Variants in PTBP3 observed in about 807,000 individuals in gnomAD.
The protein encoded by PTBP3 is polypyrimidine tract-binding protein 3.
In PTBP3, 20 loss-of-function variants were observed where a neutral mutation model predicts 58.7. The ratio of observed to expected loss-of-function variants is 0.34; its 90% CI spans 0.24 to 0.50. PTBP3 has a LOEUF of 0.50. Among genes scored for constraint, PTBP3 ranks in the 20% least tolerant of loss-of-function variants. The pLI is 0.98. For synonymous variants in PTBP3, 185 were observed against 219.8 expected, an observed-to-expected ratio of 0.84 and a Z score of 1.40; for missense variants, 509 against 637.2, an observed-to-expected ratio of 0.80 and a Z score of 2.17.
intron 1 of PTBP3, among the ~76,000 whole-genome samples, chr9:112,317,538 T>C (rs781436142): frequency 6.6e-6 from 1 of 152,132 alleles, no homozygotes; most frequent in South Asian, 2.1e-4. Flanking sequence ...GCTTTTCAAA[T>C]AGACCAACAA....
the PTBP3 span, among the ~76,000 whole-genome samples, chr9:112,351,963 T>C: frequency 1.0e-4 from 15 of 147,342 alleles, no homozygotes; most frequent in African/African-American, 2.0e-4. Context: ...TTTTTTTTTT[T>C]CCCCCAAGAC....
the PTBP3 span, among the ~76,000 whole-genome samples, chr9:112,366,282 A>C: frequency 7.1e-5 from 1 of 14,024 alleles, no homozygotes; most frequent in East Asian, 8.9e-4. Context: ...ACTCTGTCTC[A>C]AAAAAAAAAA....
chr9:112,263,660 C>T (rs1194866591), intron 4 of PTBP3, among the ~76,000 whole-genome samples: 1 of 152,112 alleles, frequency 6.6e-6, no homozygotes, highest in East Asian at 1.9e-4. Context: ...TAACTGAATC[C>T]TTTTGCTATA....
chr9:112,346,504 T>C, the PTBP3 span, among the ~76,000 whole-genome samples: 5 of 151,978 alleles, frequency 3.3e-5, no homozygotes, highest in Admixed American at 2.0e-4. Flanking sequence ...ACAGGAGGCA[T>C]TTAGGGGAAA....
intron 7 of PTBP3, among the ~76,000 whole-genome samples, chr9:112,244,817 C>T (rs1835814292): frequency 6.6e-6 from 1 of 152,016 alleles, no homozygotes; most frequent in Admixed American, 6.6e-5. Context: ...ACCCCAATAG[C>T]TACTGCTGCT....
the PTBP3 span, among the ~76,000 whole-genome samples, chr9:112,365,356 T>G: frequency 3.9e-5 from 6 of 152,290 alleles, no homozygotes; most frequent in African/African-American, 1.4e-4. Flanking sequence ...GGGTGGGTCT[T>G]TCCCTTGCTG....
At chr9:112,340,621 G>A in the PTBP3 span, among the ~76,000 whole-genome samples, 7 of 152,160 alleles carry the variant, frequency 4.6e-5, no homozygotes, top group East Asian at 1.9e-4. Context: ...AGTGGCTCAC[G>A]CCTGTAATCC....
At chr9:112,319,355 C>G (rs1407902632) in intron 1 of PTBP3, among the ~76,000 whole-genome samples, 1 of 151,974 alleles carries the variant, frequency 6.6e-6, no homozygotes, top group African/African-American at 2.4e-5. Context: ...CTGGGCAATA[C>G]AGAGAAACTG....
At chr9:112,366,078 T>C in the PTBP3 span, among the ~76,000 whole-genome samples, 222 of 151,558 alleles carry the variant, frequency 1.5e-3, no homozygotes, top group African/African-American at 5.1e-3. Context: ...AGGTCAGGAG[T>C]TCGAAACCAG....
the PTBP3 span, among the ~76,000 whole-genome samples, chr9:112,358,471 T>C: frequency 5.1e-4 from 78 of 152,340 alleles, no homozygotes; most frequent in African/African-American, 1.7e-3. Flanking sequence ...TGAGAAATCC[T>C]GGTATGAATT....
chr9:112,342,532 C>T, the PTBP3 span, among the ~76,000 whole-genome samples: 5 of 152,186 alleles, frequency 3.3e-5, no homozygotes, highest in African/African-American at 1.2e-4. Context: ...GCCTGGCCAA[C>T]ATGGTGAAAC....
At chr9:112,241,014 A>G (rs1417433446) in intron 7 of PTBP3, among the ~76,000 whole-genome samples, 1 of 152,236 alleles carries the variant, frequency 6.6e-6, no homozygotes, top group Non-Finnish European at 1.5e-5. Context: ...ATTATTACGA[A>G]AGAGTCAAAA....
At chr9:112,323,119 C>T (rs1324318560) in intron 1 of PTBP3, among the ~76,000 whole-genome samples, 2 of 152,186 alleles carry the variant, frequency 1.3e-5, no homozygotes, top group African/African-American at 2.4e-5. Flanking sequence ...GGGCATGGTG[C>T]CATGTCTGTG....
Position 112,220,772 on chromosome 9 carries a change from C to T in PTBP3, c.*3079G>A, listed in dbSNP as rs1834779456. ...AAGTAAATCATTTTGGTGTAATTCG[C>T]TACTGTTAAATGTGTACTGCTATTT... On this transcript the variant is annotated 3_prime_UTR_variant, in exon 14 of 14. Transcript: ENST00000374257. 2 of 983,460 alleles carry T rather than the reference C, an allele frequency of 2.0e-6. No individual in the cohort carries two copies. Among genetic ancestry groups the T allele is most frequent in the Middle Eastern group, 5.2e-4 (1 of 1,914 alleles). The allele number at this position is 983,460 out of a possible 1,614,324, so 60.9% of individuals were successfully genotyped here. A position where few individuals can be genotyped will look rare whatever the true frequency, so the allele number is the denominator to read the frequency against.
the PTBP3 span, among the ~76,000 whole-genome samples, chr9:112,358,307 C>A: frequency 6.6e-6 from 1 of 151,842 alleles, no homozygotes; most frequent in African/African-American, 2.4e-5. Flanking sequence ...GACTCTGTCT[C>A]AAAAAAACAA....
At chr9:112,291,770 A>G (rs72754039) in intron 2 of PTBP3, among the ~76,000 whole-genome samples, 215 of 152,318 alleles carry the variant, frequency 1.4e-3, no homozygotes, top group Non-Finnish European at 2.5e-3. Context: ...AAAGACCTAT[A>G]AGAGACAAAG....
the PTBP3 span, among the ~76,000 whole-genome samples, chr9:112,358,061 A>AT: frequency 6.6e-6 from 1 of 152,148 alleles, no homozygotes; most frequent in African/African-American, 2.4e-5. Context: ...TAATCCCAGC[A>AT]TTTTAGAAGG....
Position 112,333,575 on chromosome 9 carries a change from C to T in PTBP3, c.-157G>A. ...CAGGGCGGTTCCGGGGACAAGCGAG[C>T]TTTGGCTCTGCGGAGCCCCGGCCGG... On this transcript the variant is annotated 5_prime_UTR_variant, in exon 1 of 14. Coordinates refer to ENST00000374257, the MANE Select transcript of PTBP3 (RefSeq NM_001163788.4). The T allele has an allele frequency of 6.9e-7, 1 of 1,448,774 alleles. No homozygotes were observed. Among genetic ancestry groups the T allele is most frequent in the Non-Finnish European group, 9.5e-7 (1 of 1,053,010 alleles). 89.7% of individuals were successfully genotyped at this position (1,448,774 alleles called of 1,614,324 possible).
chr9:112,310,120 T>C (rs1256642759), intron 1 of PTBP3, among the ~76,000 whole-genome samples: 1 of 152,214 alleles, frequency 6.6e-6, no homozygotes, highest in Non-Finnish European at 1.5e-5. Context: ...AATTGTTCAT[T>C]TGTGACATTT....
Sources: gnomAD v4.1 joint callset for allele counts (sites outside exome capture counted in the v4.1 genomes callset) on GRCh38, gnomAD v4.1.1 for gene constraint, MANE v1.5 for transcripts, NCBI Gene and HGNC (gene_info 2026-07-23, HGNC 2026-07-21) for gene names.